ADAMTS16: variants seen among roughly 807,000 people sequenced by gnomAD.
The protein encoded by ADAMTS16 is A disintegrin and metalloproteinase with thrombospondin motifs 16.
A neutral mutation model predicts 145.8 loss-of-function variants in ADAMTS16; 94 were observed. The observed-to-expected ratio is 0.64, with a 90% confidence interval of 0.55 to 0.77. The LOEUF is 0.77. ADAMTS16 is among the 30% of genes least tolerant of loss of function. ADAMTS16 has a pLI of 0.00. For synonymous variants in ADAMTS16, 659 were observed against 604.3 expected, an observed-to-expected ratio of 1.09 and a Z score of -1.33; for missense variants, 1,585 against 1,591.5, an observed-to-expected ratio of 1.00 and a Z score of 0.07.
chr5:5,317,838 G>A lies in ADAMTS16; in HGVS notation c.3412-296G>A, dbSNP rs1734115926. On this transcript the variant is annotated intron_variant, in intron 21 of 22. Coordinates refer to ENST00000274181, the MANE Select transcript of ADAMTS16 (RefSeq NM_139056.4). This position sits in a 1 kb window ranked among gnomAD's most constrained non-coding sequence, Gnocchi z 4.5. The stretch of plus-strand genomic sequence containing the variant: ...CTGTCACCGCTCAAGGCTCAAGGCT[G>A]TCTTCTATCTGAAAACAGGAAGGGT... Among the ~76,000 whole-genome samples the A allele has an allele frequency of 7.3e-6, 1 of 136,918 alleles. No homozygotes were observed. The highest frequency in any genetic ancestry group is 7.3e-5 in the Admixed American group (1 of 13,752). The allele number at this position is 136,918 out of a possible 152,430, so 89.8% of individuals were successfully genotyped here.
At chr5:5,289,354 A>G (rs181244217) in intron 18 of ADAMTS16, among the ~76,000 whole-genome samples, 1 of 152,362 alleles carries the variant, frequency 6.6e-6, no homozygotes, top group Admixed American at 6.5e-5. Context: ...CCGTCTGCAT[A>G]AGCTTCATTT....
chr5:5,262,511 AT>A, intron 17 of ADAMTS16, 145 bp from the exon 18 acceptor site: 1 of 1,070,480 alleles, frequency 9.3e-7, no homozygotes, highest in Non-Finnish European at 1.3e-6. Flanking sequence ...AAAGTGGAGT[AT>A]TAATAGTTGG....
At chr5:5,200,701 T>C (rs1318441453) in intron 9 of ADAMTS16, among the ~76,000 whole-genome samples, 2 of 152,170 alleles carry the variant, frequency 1.3e-5, no homozygotes, top group African/African-American at 2.4e-5. Flanking sequence ...TCCTTCCTTT[T>C]CTTTCTTTCT....
chr5:5,219,934 G>C (rs1736544781), intron 10 of ADAMTS16, among the ~76,000 whole-genome samples: 1 of 152,160 alleles, frequency 6.6e-6, no homozygotes, highest in Non-Finnish European at 1.5e-5. Flanking sequence ...ACTCTGAATG[G>C]TAGTCTGAAT....
intron 5 of ADAMTS16, 69 bp downstream of exon 5, chr5:5,186,320 G>T: frequency 7.4e-7 from 1 of 1,351,230 alleles, no homozygotes; most frequent in Non-Finnish European, 1.0e-6. Context: ...GTGTGTGTGT[G>T]TGTGTGTGTG....
chr5:5,320,185 C>G lies in ADAMTS16; in HGVS notation c.*1047C>G. The G allele has an allele frequency of 3.2e-6, 1 of 308,696 alleles. No homozygotes were observed. The highest frequency in any genetic ancestry group is 2.7e-5 in the South Asian group (1 of 37,228). 19.1% of individuals were successfully genotyped at this position (308,696 alleles called of 1,614,324 possible). On this transcript the variant is annotated 3_prime_UTR_variant, in exon 23 of 23. Coordinates refer to ENST00000274181, the MANE Select transcript of ADAMTS16 (RefSeq NM_139056.4). This position sits in a 1 kb window ranked among gnomAD's most constrained non-coding sequence, Gnocchi z 5.1. ...ATCTGCCCGGCGTCTCTGGCACCCT[C>G]CCTGCCATCCTCAGTGCGGCTGCTG... is the stretch of plus-strand genomic sequence containing the variant.
intron 17 of ADAMTS16, among the ~76,000 whole-genome samples, chr5:5,247,008 G>A (rs1441613483): frequency 2.0e-5 from 3 of 152,186 alleles, no homozygotes; most frequent in Admixed American, 6.5e-5. Context: ...TGGGACGCCT[G>A]TCTTCCTCTG....
At chr5:5,156,255 G>A (rs1371763077) in intron 3 of ADAMTS16, among the ~76,000 whole-genome samples, 1 of 138,906 alleles carries the variant, frequency 7.2e-6, no homozygotes, top group Non-Finnish European at 1.6e-5. Context: ...ACTACCCTAA[G>A]TATTGAGAGA....
chr5:5,201,317 T>A (rs1234282045), intron 9 of ADAMTS16, among the ~76,000 whole-genome samples: 1 of 152,104 alleles, frequency 6.6e-6, no homozygotes, highest in Admixed American at 6.6e-5. Flanking sequence ...TGCCACATGA[T>A]GAACCCCAAA....
chr5:5,263,951 C>T (rs576038281), intron 18 of ADAMTS16, among the ~76,000 whole-genome samples: 5 of 152,084 alleles, frequency 3.3e-5, no homozygotes, highest in East Asian at 1.9e-4. Context: ...TTTTATCAAG[C>T]GATAAAAATA....
intron 18 of ADAMTS16, among the ~76,000 whole-genome samples, chr5:5,289,682 A>C (rs1739227746): frequency 6.6e-6 from 1 of 152,258 alleles, no homozygotes; most frequent in South Asian, 2.1e-4. Context: ...AGCCAAGTGC[A>C]GCCTGCCATA....
At chr5:5,311,095 G>T (rs1399895943) in intron 21 of ADAMTS16, among the ~76,000 whole-genome samples, 1 of 151,962 alleles carries the variant, frequency 6.6e-6, no homozygotes, top group African/African-American at 2.4e-5. Flanking sequence ...CGCAGCCCCT[G>T]TGGCCAGGAC....
Position 5,287,424 on chromosome 5 carries a change from A to G in ADAMTS16, c.2790-15844A>G, listed in dbSNP as rs1368034245. Among the ~76,000 whole-genome samples the G allele has an allele frequency of 2.0e-5, 3 of 152,266 alleles. No homozygotes were observed. The East Asian group carries it at 5.8e-4, about 29-fold the overall frequency. On this transcript the variant is annotated intron_variant, in intron 18 of 22. Transcript: ENST00000274181. ...TGTCATTTCAACTCTTCACTTTTCA[A>G]TTCTTTGCCTAGACCCATCTACAGA...
At chr5:5,281,187 G>A (rs990569241) in intron 18 of ADAMTS16, among the ~76,000 whole-genome samples, 5 of 152,108 alleles carry the variant, frequency 3.3e-5, no homozygotes, top group South Asian at 4.1e-4. Flanking sequence ...TCTTCTAATC[G>A]CAAGTTCCTA....
Position 5,272,740 on chromosome 5 carries a change from G to A in ADAMTS16, c.2789+9957G>A, listed in dbSNP as rs141680692. On this transcript the variant is annotated intron_variant, in intron 18 of 22. Coordinates refer to ENST00000274181, the MANE Select transcript of ADAMTS16 (RefSeq NM_139056.4). ...CACGAACGGCACAGTCAGGGTGGCA[G>A]GCAGCCCCACTTCTGTGTCAACATG... Among the ~76,000 whole-genome samples the A allele has an allele frequency of 5.7e-3, 865 of 152,266 alleles. 8 individuals are homozygous for A. Among genetic ancestry groups the A allele is most frequent in the African/African-American group, 0.02 (826 of 41,544 alleles).
intron 3 of ADAMTS16, among the ~76,000 whole-genome samples, chr5:5,152,588 TG>T (rs1015371458): frequency 8.5e-5 from 13 of 152,188 alleles, no homozygotes; most frequent in African/African-American, 2.9e-4. Flanking sequence ...AGAAGTTGGC[TG>T]GGGGTAAGGA....
chr5:5,261,869 C>G (rs1236738751), intron 17 of ADAMTS16, among the ~76,000 whole-genome samples: 1 of 152,150 alleles, frequency 6.6e-6, no homozygotes, highest in Non-Finnish European at 1.5e-5. Context: ...CCATCATCTC[C>G]AGAACTTTTT....
chr5:5,165,570 C>T (rs919406033), intron 3 of ADAMTS16, among the ~76,000 whole-genome samples: 1 of 152,024 alleles, frequency 6.6e-6, no homozygotes, highest in Admixed American at 6.6e-5. Flanking sequence ...GAAGCTGAAC[C>T]CTAAAGAGCA....
intron 20 of ADAMTS16, among the ~76,000 whole-genome samples, chr5:5,304,724 C>T (rs943639105): frequency 6.6e-6 from 1 of 152,094 alleles, no homozygotes; most frequent in African/African-American, 2.4e-5. Flanking sequence ...AACACCCTTG[C>T]TCGCTTAAGT....
Sources: gnomAD v4.1 joint callset for allele counts (sites outside exome capture counted in the v4.1 genomes callset) on GRCh38, gnomAD v4.1.1 for gene constraint, Gnocchi (gnomAD v3.1) non-coding constraint, MANE v1.5 for transcripts, NCBI Gene and HGNC (gene_info 2026-07-23, HGNC 2026-07-21) for gene names.